ALMS1: variants seen among roughly 807,000 people sequenced by gnomAD.
The protein encoded by ALMS1 is centrosome-associated protein ALMS1.
ALMS1 carries 271 observed loss-of-function variants against 352.2 expected under a neutral mutation model. That is an observed-to-expected ratio of 0.77 (90% CI 0.70 to 0.85). The LOEUF is 0.85. Ranked by LOEUF, ALMS1 falls within the 40% of genes least tolerant of loss-of-function variation. The pLI, the probability that ALMS1 is intolerant of heterozygous loss-of-function variation, is 0.00. For synonymous variants in ALMS1, 1,865 were observed against 1,761.2 expected, an observed-to-expected ratio of 1.06 and a Z score of -1.48; for missense variants, 5,445 against 4,870.7, an observed-to-expected ratio of 1.12 and a Z score of -3.51.
chr2:73,422,800 G>A (rs1881245), intron 3 of ALMS1, 57 bp from the exon 4 acceptor site: 340,345 of 1,349,096 alleles, frequency 0.25, 52,567 homozygotes, highest in African/African-American at 0.69. Flanking sequence ...TATTATATAC[G>A]TAAGTAAATA....
At chr2:73,556,386 C>A (rs1033903125) in intron 13 of ALMS1, among the ~76,000 whole-genome samples, 20 of 151,750 alleles carry the variant, frequency 1.3e-4, no homozygotes, top group African/African-American at 4.8e-4. Flanking sequence ...ATAAAAAAAT[C>A]AAAAATGATC....
At chr2:73,511,128 G>T (rs1572985076) in intron 10 of ALMS1, among the ~76,000 whole-genome samples, 1 of 152,150 alleles carries the variant, frequency 6.6e-6, no homozygotes, top group South Asian at 2.1e-4. Context: ...TGGACTCCTT[G>T]GGGGTGGGAT....
intron 9 of ALMS1, among the ~76,000 whole-genome samples, chr2:73,485,966 C>T (rs557266063): frequency 2.7e-4 from 41 of 152,044 alleles, no homozygotes; most frequent in Non-Finnish European, 5.0e-4. Flanking sequence ...GACCTGCGCC[C>T]ACTGTCTGGC....
At chr2:73,556,427 C>T (rs1444663532) in intron 13 of ALMS1, among the ~76,000 whole-genome samples, 3 of 152,002 alleles carry the variant, frequency 2.0e-5, no homozygotes, top group South Asian at 4.1e-4. Flanking sequence ...TAGTATTAGA[C>T]AAGTTTAAAA....
In ALMS1 at chr2:73,386,037, G is replaced by A. The variant is rs773881728; in HGVS notation, c.169G>A (p.Asp57Asn). 27 of 1,565,336 alleles carry A rather than the reference G, an allele frequency of 1.7e-5. 1 individual carries two copies. The highest frequency in any genetic ancestry group is 1.7e-4 in the Middle Eastern group (1 of 6,026). ...AGAGGCGGGGCGGGAGTTGGACTCC[G>A]ACTCTCACTACGGGCCCCAGCATCT... ...EEEAGRELDS[D>N]SHYGPQHLES... Residue 57 changes from aspartate to asparagine, a missense_variant, in exon 1 of 23, where the codon GAC (aspartate) becomes AAC (asparagine). Asp to Asn is a conservative substitution (Grantham distance 23). Coordinates refer to ENST00000613296, the MANE Select transcript of ALMS1 (RefSeq NM_001378454.1).
At chr2:73,553,437 C>T (rs1207591913) in intron 13 of ALMS1, among the ~76,000 whole-genome samples, 1 of 152,026 alleles carries the variant, frequency 6.6e-6, no homozygotes, top group Admixed American at 6.6e-5. Context: ...AGGAAAAAGT[C>T]GAATTTGTAG....
intron 1 of ALMS1, among the ~76,000 whole-genome samples, chr2:73,390,334 G>A (rs922719615): frequency 1.3e-5 from 2 of 152,028 alleles, no homozygotes; most frequent in Non-Finnish European, 2.9e-5. Flanking sequence ...CTAATGCTGC[G>A]TATTTAGAGG....
chr2:73,474,371 C>CTGTGTG (rs377039331), intron 9 of ALMS1, among the ~76,000 whole-genome samples: 1,760 of 95,498 alleles, frequency 0.018, 15 homozygotes, highest in African/African-American at 0.021. Context: ...CTTGTTGACT[C>CTGTGTG]TGTGTGTGTG....
At chr2:73,481,448 G>C (rs943694029) in intron 9 of ALMS1, among the ~76,000 whole-genome samples, 2 of 152,042 alleles carry the variant, frequency 1.3e-5, no homozygotes, top group African/African-American at 4.8e-5. Flanking sequence ...CTCTGTTTTG[G>C]TACCAGTACC....
At chr2:73,402,559 C>T (rs1453667194) in intron 1 of ALMS1, among the ~76,000 whole-genome samples, 2 of 152,064 alleles carry the variant, frequency 1.3e-5, no homozygotes, top group South Asian at 2.1e-4. Context: ...CGCGCCCAGT[C>T]GTAGTTCTAT....
intron 10 of ALMS1, among the ~76,000 whole-genome samples, chr2:73,499,281 T>G (rs909577233): frequency 3.3e-5 from 5 of 152,226 alleles, no homozygotes; most frequent in Non-Finnish European, 7.3e-5. Flanking sequence ...TTGCAGATAT[T>G]CTCTTCCATT....
Position 73,422,925 on chromosome 2 carries a change from G to C in ALMS1, c.715G>C (p.Ala239Pro). ...LTCLTQDQEF[A>P]PDSLFHQSEL... ...CTGTTTGACACAAGACCAAGAATTT[G>C]CGCCTGATTCTTTATTTCATCAAAG... Residue 239 changes from alanine (A) to proline (P), a missense_variant, in exon 4 of 23, where the codon GCG (alanine) becomes CCG (proline). Ala to Pro is a conservative substitution (Grantham distance 27, BLOSUM62 -1). Coordinates refer to ENST00000613296, the MANE Select transcript of ALMS1 (RefSeq NM_001378454.1). 1 of 1,613,646 alleles carries C rather than the reference G, an allele frequency of 6.2e-7. No individual in the cohort carries two copies. Among genetic ancestry groups the C allele is most frequent in the Non-Finnish European group, 8.5e-7 (1 of 1,179,700 alleles).
rs535673890 is a variant in ALMS1, at chr2:73,403,482, T to A, written c.325-5140T>A. 1.6e-4 allele frequency among the ~76,000 whole-genome samples: 24 copies of A among 152,332 alleles called. No individual in the cohort carries two copies. In the South Asian group the frequency reaches 5.0e-3, roughly 32 times the overall value. On this transcript the variant is annotated intron_variant, in intron 1 of 22. Coordinates refer to ENST00000613296, the MANE Select transcript of ALMS1 (RefSeq NM_001378454.1). ...GGAAGTGTGCTTCCTCCAACTTTGT[T>A]TTTGTCTTACAGAATTACTTTGGCT...
chr2:73,523,777 CAA>C (rs879472220), intron 11 of ALMS1, among the ~76,000 whole-genome samples: 10 of 137,400 alleles, frequency 7.3e-5, no homozygotes, highest in Non-Finnish European at 6.4e-5. Flanking sequence ...CCTTCCCCAC[CAA>C]AAAAAAAAAA....
chr2:73,456,447 C>T (rs564953493), intron 9 of ALMS1, among the ~76,000 whole-genome samples: 48 of 152,164 alleles, frequency 3.2e-4, no homozygotes, highest in African/African-American at 1.1e-3. Flanking sequence ...TAATGCCTAT[C>T]GTAGAGGGTT....
At position 73,572,882 on chromosome 2, in the gene ALMS1, C is replaced by G. The variant is rs771482409; in HGVS notation, c.11005C>G (p.Gln3669Glu). ...SVKEWSGRQQ[Q>E]RNKLQKKKRF... The stretch of plus-strand genomic sequence containing the variant: ...GAAGGAATGGAGTGGTAGACAACAG[C>G]AGAGAAATAAGCTTCAGAAAAAGAA... Residue 3669 changes from glutamine (Q) to glutamate (E), a missense_variant, in exon 16 of 23, where the codon CAG becomes GAG. Coordinates refer to ENST00000613296, the MANE Select transcript of ALMS1 (RefSeq NM_001378454.1). The G allele has an allele frequency of 3.1e-6, 5 of 1,613,850 alleles. No individual in the cohort carries two copies. In the South Asian group the frequency reaches 5.5e-5, roughly 18 times the overall value.
chr2:73,487,225 C>G (rs142197103), intron 9 of ALMS1, among the ~76,000 whole-genome samples: 1 of 152,178 alleles, frequency 6.6e-6, no homozygotes, highest in Non-Finnish European at 1.5e-5. Context: ...TATGCTATGT[C>G]TTACACCTGC....
chr2:73,396,731 G>A (rs1185511414), intron 1 of ALMS1, among the ~76,000 whole-genome samples: 2 of 149,510 alleles, frequency 1.3e-5, no homozygotes, highest in African/African-American at 2.5e-5. Flanking sequence ...TGCAAGCTCC[G>A]CCTCCCAGGT....
At chr2:73,388,703 T>C (rs1255391565) in intron 1 of ALMS1, among the ~76,000 whole-genome samples, 1 of 152,246 alleles carries the variant, frequency 6.6e-6, no homozygotes, top group Non-Finnish European at 1.5e-5. Flanking sequence ...ACATACTACA[T>C]TTTCTTTACC....
Sources: gnomAD v4.1 joint callset for allele counts (sites outside exome capture counted in the v4.1 genomes callset) on GRCh38, gnomAD v4.1.1 for gene constraint, MANE v1.5 for transcripts, NCBI Gene and HGNC (gene_info 2026-07-23, HGNC 2026-07-21) for gene names.